Variants in CHST3 observed in about 807,000 individuals in gnomAD.
The protein encoded by CHST3 is carbohydrate sulfotransferase 3.
Under a neutral mutation model 35.4 loss-of-function variants are expected in CHST3, and 20 were observed. That is an observed-to-expected ratio of 0.57 (90% confidence interval 0.40 to 0.82). The LOEUF (loss-of-function observed/expected upper bound fraction) is 0.82, where lower values mean the gene tolerates loss of function less well. Ranked by LOEUF, CHST3 falls within the 40% of genes least tolerant of loss-of-function variation. The probability of loss-of-function intolerance (pLI) is 0.00; values close to 1 mark genes in which losing one functional copy is unlikely to be tolerated. For missense variants in CHST3, 693 were observed against 670.1 expected (o/e 1.03, Z -0.38); for synonymous variants, 334 against 295.9 (o/e 1.13, Z -1.32).
chr10:71,980,161 C>G (rs1839786629), intron 1 of CHST3, among the ~76,000 whole-genome samples: 1 of 152,210 alleles, frequency 6.6e-6, no homozygotes, highest in Admixed American at 6.5e-5. Context: ...GGCTTTCCAA[C>G]TTTTAGACTA....
In CHST3 at chr10:72,012,927, T is replaced by C. The variant is rs1041212479; in HGVS notation, c.*4456T>C. On this transcript the variant is annotated 3_prime_UTR_variant, in exon 3 of 3. Coordinates refer to ENST00000373115, the MANE Select transcript of CHST3 (RefSeq NM_004273.5). Reference sequence around the variant, plus strand: ...CTTGTCTCAAGAGCTCCAAGATCCTTTGGTCTCGTGTCCTTTGGCACCCCG... The same window carrying C: ...CTTGTCTCAAGAGCTCCAAGATCCTCTGGTCTCGTGTCCTTTGGCACCCCG... 5.3e-5 allele frequency: 8 copies of C among 152,242 alleles called. No individual in the cohort carries two copies. Among genetic ancestry groups the C allele is most frequent in the African/African-American group, 1.9e-4 (8 of 41,458 alleles). The allele number at this position is 152,242 out of a possible 1,614,324, so 9.4% of individuals were successfully genotyped here. A position where few individuals can be genotyped will look rare whatever the true frequency, so the allele number is the denominator to read the frequency against.
At chr10:72,004,283 T>C (rs888235118) in intron 1 of CHST3, among the ~76,000 whole-genome samples, 2 of 152,170 alleles carry the variant, frequency 1.3e-5, no homozygotes, top group Admixed American at 6.5e-5. Flanking sequence ...TGAGAGATAA[T>C]GAGGGGCCCA....
At chr10:71,994,106 A>G (rs1449627767) in intron 1 of CHST3, among the ~76,000 whole-genome samples, 4 of 152,064 alleles carry the variant, frequency 2.6e-5, no homozygotes, top group Non-Finnish European at 4.4e-5. Context: ...TTCAAAAACA[A>G]CAACGAAAAT....
intron 1 of CHST3, among the ~76,000 whole-genome samples, chr10:71,985,551 C>T (rs1441175631): frequency 6.6e-6 from 1 of 152,238 alleles, no homozygotes; most frequent in Non-Finnish European, 1.5e-5. Context: ...AACTAGTTCA[C>T]TCCTCTGCCC....
chr10:71,975,279 C>T (rs541953826), intron 1 of CHST3, among the ~76,000 whole-genome samples: 3 of 152,252 alleles, frequency 2.0e-5, no homozygotes, highest in South Asian at 2.1e-4. Context: ...ATGCCATCCC[C>T]GAGGCCCAGA....
chr10:71,992,247 A>G (rs4747231), intron 1 of CHST3, among the ~76,000 whole-genome samples: 95,936 of 151,824 alleles, frequency 0.63, 31,237 homozygotes, highest in African/African-American at 0.8. Context: ...GCAATGCCAC[A>G]ATCATGGCTT....
Position 72,008,180 on chromosome 10 carries a change from C to T in CHST3, c.1149C>T (p.Arg383=), listed in dbSNP as rs1169930642. ...CACGCGGGCCGCTGCAGAAGGCCCG[C>T]GAGATGTACCGCTTCGCCGGCATCC... ...DVARGPLQKA[R]EMYRFAGIPL... Residue 383 remains arginine, a synonymous_variant, in exon 3 of 3, where the codon CGC becomes CGT. Transcript: ENST00000373115. 7 of 1,549,238 alleles carry T rather than the reference C, an allele frequency of 4.5e-6. No individual in the cohort carries two copies. The South Asian group carries it at 6.0e-5, about 13-fold the overall frequency.
chr10:71,993,085 C>T (rs566633517), intron 1 of CHST3, among the ~76,000 whole-genome samples: 13 of 152,254 alleles, frequency 8.5e-5, no homozygotes, highest in South Asian at 6.2e-4. Context: ...ATTTTCTTTG[C>T]GTTTTTTGTT....
At chr10:72,006,983 C>A (rs1840044914) in intron 2 of CHST3, among the ~76,000 whole-genome samples, 189 bp from the exon 3 acceptor site, 1 of 152,264 alleles carries the variant, frequency 6.6e-6, no homozygotes, top group African/African-American at 2.4e-5. Context: ...GCCTCACTTC[C>A]CCATCCAGTA....
Position 72,005,717 on chromosome 10 carries a change from A to G in CHST3, c.-107-19A>G. 8.5e-7 allele frequency: 1 copy of G among 1,181,842 alleles called. No individual in the cohort carries two copies. The highest frequency in any genetic ancestry group is 1.2e-6 in the Non-Finnish European group (1 of 804,696). The allele number at this position is 1,181,842 out of a possible 1,614,324, so 73.2% of individuals were successfully genotyped here. A position where few individuals can be genotyped will look rare whatever the true frequency, so the allele number is the denominator to read the frequency against. On this transcript the variant is annotated intron_variant, in intron 1 of 2. Coordinates refer to ENST00000373115, the MANE Select transcript of CHST3 (RefSeq NM_004273.5). The stretch of plus-strand genomic sequence containing the variant: ...CTCGTGTACAGACAAGGGTGTTCTG[A>G]CCACCTGTCTCTCCGCAGGACAAGG...
chr10:71,996,094 G>A (rs986056786), intron 1 of CHST3, among the ~76,000 whole-genome samples: 2 of 152,286 alleles, frequency 1.3e-5, no homozygotes, highest in African/African-American at 2.4e-5. Flanking sequence ...GGTCAAGATC[G>A]TTGCCAGCTG....
chr10:71,980,210 A>G (rs888677460), intron 1 of CHST3, among the ~76,000 whole-genome samples: 1 of 152,142 alleles, frequency 6.6e-6, no homozygotes, highest in Non-Finnish European at 1.5e-5. Context: ...ACTGAAACAA[A>G]AGCCTTATGA....
chr10:71,981,267 G>T lies in CHST3; in HGVS notation c.-108+16573G>T, dbSNP rs544342616. Among the ~76,000 whole-genome samples the T allele has an allele frequency of 1.4e-3, 216 of 152,290 alleles. 1 individual carries two copies. Among genetic ancestry groups the T allele is most frequent in the African/African-American group, 5.2e-3 (215 of 41,564 alleles). On this transcript the variant is annotated intron_variant, in intron 1 of 2. Transcript: ENST00000373115. ...CTCGGCCTTGCAGCCTGCCAGCTTT[G>T]GAGACTGGCCTGTATCCCAAACTGC...
Position 72,007,372 on chromosome 10 carries a change from A to C in CHST3, c.341A>C (p.Glu114Ala). 2 of 1,606,218 alleles carry C rather than the reference A, an allele frequency of 1.2e-6. No individual in the cohort carries two copies. Among genetic ancestry groups the C allele is most frequent in the Non-Finnish European group, 1.7e-6 (2 of 1,176,864 alleles). Reference protein sequence around the residue: ...EPAMEAAGEEEEEQRKEEEPP... With the variant: ...EPAMEAAGEEAEEQRKEEEPP... ...GCCATGGAGGCCGCAGGGGAGGAAG[A>C]GGAAGAGCAGAGAAAGGAGGAGGAG... Residue 114 changes from glutamate to alanine, a missense_variant, in exon 3 of 3, where the codon GAG (glutamate) becomes GCG (alanine). Transcript: ENST00000373115.
At chr10:71,992,429 G>A (rs542402666) in intron 1 of CHST3, among the ~76,000 whole-genome samples, 4 of 151,694 alleles carry the variant, frequency 2.6e-5, no homozygotes, top group South Asian at 2.1e-4. Flanking sequence ...TCCTGGGCCC[G>A]CTTGGGCCTC....
chr10:71,980,481 C>T (rs1041299163), intron 1 of CHST3, among the ~76,000 whole-genome samples: 3 of 152,224 alleles, frequency 2.0e-5, no homozygotes, highest in East Asian at 3.8e-4. Flanking sequence ...TTATCTTAAC[C>T]TACCAAATTG....
chr10:72,012,403 G>T lies in CHST3; in HGVS notation c.*3932G>T, dbSNP rs1871451. The T allele has an allele frequency of 0.66, 100,190 of 152,562 alleles. 34,315 individuals are homozygous for T. The highest frequency in any genetic ancestry group is 0.87 in the African/African-American group (36,136 of 41,500). The allele number at this position is 152,562 out of a possible 1,614,324, so 9.5% of individuals were successfully genotyped here. A position where few individuals can be genotyped will look rare whatever the true frequency, so the allele number is the denominator to read the frequency against. The stretch of plus-strand genomic sequence containing the variant: ...GTGGCTCATACCTGTAATCCCAGCA[G>T]TTGGGGAGGCCAAGGTGGGAGGATT... On this transcript the variant is annotated 3_prime_UTR_variant, in exon 3 of 3. Transcript: ENST00000373115.
At chr10:71,980,924 A>G (rs1839795277) in intron 1 of CHST3, among the ~76,000 whole-genome samples, 1 of 152,202 alleles carries the variant, frequency 6.6e-6, no homozygotes. Flanking sequence ...GCATGTAGAA[A>G]AGGCCTGCTA....
intron 1 of CHST3, among the ~76,000 whole-genome samples, chr10:71,995,931 A>T (rs557436795): frequency 2.0e-5 from 3 of 152,230 alleles, no homozygotes; most frequent in Non-Finnish European, 4.4e-5. Context: ...AATGGCACTG[A>T]TAAGACTTGC....
Sources: allele counts gnomAD v4.1 joint callset (sites outside exome capture counted in the v4.1 genomes callset), GRCh38; gene constraint gnomAD v4.1.1; transcripts MANE v1.5; gene names NCBI Gene and HGNC (gene_info 2026-07-23, HGNC 2026-07-21).